UTS2: variants seen among roughly 807,000 people sequenced by gnomAD.
UTS2 encodes the protein urotensin-2.
Under a neutral mutation model 12.6 loss-of-function variants are expected in UTS2, and 10 were observed. That is an observed-to-expected ratio of 0.80 (90% CI 0.49 to 1.35). The LOEUF (loss-of-function observed/expected upper bound fraction) is 1.35. UTS2 is among the 40% of genes most tolerant of loss of function. The pLI, the probability that UTS2 is intolerant of heterozygous loss-of-function variation, is 0.00. For missense variants in UTS2, 142 were observed against 143.2 expected (o/e 0.99, Z 0.04); for synonymous variants, 52 against 50.0 (o/e 1.04, Z -0.17).
chr1:7,868,606 A>G, the UTS2 span, among the ~76,000 whole-genome samples: 1 of 152,226 alleles, frequency 6.6e-6, no homozygotes, highest in African/African-American at 2.4e-5. Context: ...CGGAAGGCCC[A>G]TGTCCCTGTC....
At chr1:7,911,900 C>CAA in the UTS2 span, among the ~76,000 whole-genome samples, 2,290 of 133,632 alleles carry the variant, frequency 0.017, 92 homozygotes, top group African/African-American at 0.061. Context: ...GACTCTGTCT[C>CAA]AAAAAAAAAA....
chr1:7,878,172 T>C, the UTS2 span, among the ~76,000 whole-genome samples: 2 of 152,210 alleles, frequency 1.3e-5, no homozygotes, highest in Non-Finnish European at 2.9e-5. Context: ...CAGGATACTA[T>C]ACCCAGGAAA....
intron 3 of UTS2, among the ~76,000 whole-genome samples, chr1:7,849,347 T>C (rs909302458): frequency 6.6e-6 from 1 of 152,044 alleles, no homozygotes; most frequent in African/African-American, 2.4e-5. Context: ...CCCGAGTAGC[T>C]GGGATTACAG....
the UTS2 span, among the ~76,000 whole-genome samples, chr1:7,870,221 GC>G: frequency 6.6e-6 from 1 of 152,270 alleles, no homozygotes; most frequent in Non-Finnish European, 1.5e-5. Context: ...ATTAAAGTAG[GC>G]CCTGGTCCAT....
chr1:7,855,682 CATTATTATTATT>C (rs35860049), upstream of UTS2, among the ~76,000 whole-genome samples: 1 of 147,528 alleles, frequency 6.8e-6, no homozygotes, highest in African/African-American at 2.5e-5. Context: ...CACATCTGGC[CATTATTATTATT>C]ATTATTATTA....
Position 7,853,045 on chromosome 1 carries a change from T to C in UTS2, c.-42A>G, listed in dbSNP as rs1406673389. 6 of 1,592,048 alleles carry C rather than the reference T, an allele frequency of 3.8e-6. No homozygotes were observed. Among genetic ancestry groups the C allele is most frequent in the Non-Finnish European group, 5.1e-6 (6 of 1,172,724 alleles). On this transcript the variant is annotated 5_prime_UTR_variant, in exon 1 of 4. Transcript: ENST00000361696. Reference sequence around the variant, plus strand: ...ACGGCTTCCTTCTTGGCTTCTGTTGTAGAGAACTTTCAACTGTCTCCTCAT... The same window carrying C: ...ACGGCTTCCTTCTTGGCTTCTGTTGCAGAGAACTTTCAACTGTCTCCTCAT...
the UTS2 span, among the ~76,000 whole-genome samples, chr1:7,880,885 C>T: frequency 1.3e-5 from 2 of 152,224 alleles, no homozygotes; most frequent in African/African-American, 4.8e-5. Context: ...TGAACATAGA[C>T]ACTAAAATCC....
At chr1:7,863,119 TATTGTATTTG>T in the UTS2 span, among the ~76,000 whole-genome samples, 1 of 150,032 alleles carries the variant, frequency 6.7e-6, no homozygotes, top group Non-Finnish European at 1.5e-5. Flanking sequence ...TATTGTATTG[TATTGTATTTG>T]AGACGAAGTT....
chr1:7,847,686 GT>G lies in UTS2; in HGVS notation c.*79del. ...AGTTTGCCTAGTTTTTCTCCACACT[GT>G]TTTCAAATCAAGCATTGTGTTATTT... On this transcript the variant is annotated 3_prime_UTR_variant, in exon 4 of 4. Coordinates refer to ENST00000361696, the MANE Select transcript of UTS2 (RefSeq NM_006786.4). 2 of 1,169,396 alleles carry G rather than the reference GT, an allele frequency of 1.7e-6. No individual in the cohort carries two copies. The highest frequency in any genetic ancestry group is 1.4e-5 in the South Asian group (1 of 73,744). The allele number at this position is 1,169,396 out of a possible 1,614,324, so 72.4% of individuals were successfully genotyped here.
chr1:7,863,103 GTATTGTATTGTATTGTATTGTATTT>G, the UTS2 span, among the ~76,000 whole-genome samples: 1 of 132,982 alleles, frequency 7.5e-6, no homozygotes, highest in Admixed American at 7.6e-5. Flanking sequence ...GTATTGTATT[GTATTGTATTGTATTGTATTGTATTT>G]GAGACGAAGT....
chr1:7,876,860 G>A, the UTS2 span, among the ~76,000 whole-genome samples: 164 of 151,978 alleles, frequency 1.1e-3, 6 homozygotes, highest in Admixed American at 9.1e-3. Flanking sequence ...GGCTGGGCAC[G>A]GTGGCTCACA....
chr1:7,904,334 G>T, the UTS2 span, among the ~76,000 whole-genome samples: 1 of 151,696 alleles, frequency 6.6e-6, no homozygotes, highest in African/African-American at 2.4e-5. Context: ...ATAATAAGCT[G>T]GGCATGGTGG....
the UTS2 span, among the ~76,000 whole-genome samples, chr1:7,906,514 G>GAAA: frequency 1.7e-4 from 12 of 71,534 alleles, no homozygotes; most frequent in Non-Finnish European, 4.0e-4. Flanking sequence ...AAAGAAAAGA[G>GAAA]GGAGGGAGGG....
chr1:7,848,100 C>G (rs916814190), intron 3 of UTS2, among the ~76,000 whole-genome samples: 1 of 152,154 alleles, frequency 6.6e-6, no homozygotes, highest in Non-Finnish European at 1.5e-5. Flanking sequence ...CCAGTCTGTT[C>G]AGCCCAGCGA....
At chr1:7,893,035 T>C in the UTS2 span, among the ~76,000 whole-genome samples, 4 of 152,334 alleles carry the variant, frequency 2.6e-5, no homozygotes, top group African/African-American at 9.6e-5. Flanking sequence ...TATGCTTTCT[T>C]TATCTTCATG....
At chr1:7,876,908 G>A in the UTS2 span, among the ~76,000 whole-genome samples, 1 of 152,036 alleles carries the variant, frequency 6.6e-6, no homozygotes, top group East Asian at 1.9e-4. Flanking sequence ...GAGGCAGGTG[G>A]ATTGCGAGGT....
At chr1:7,902,101 C>G in the UTS2 span, among the ~76,000 whole-genome samples, 2 of 152,054 alleles carry the variant, frequency 1.3e-5, no homozygotes, top group Non-Finnish European at 1.5e-5. Flanking sequence ...CTCTGTGGCT[C>G]TGGGTAGGGA....
chr1:7,861,260 C>T, the UTS2 span, among the ~76,000 whole-genome samples: 1 of 152,176 alleles, frequency 6.6e-6, no homozygotes, highest in East Asian at 1.9e-4. Context: ...AGGGGATCGT[C>T]AGTGATTTGG....
the UTS2 span, among the ~76,000 whole-genome samples, chr1:7,870,468 C>T: frequency 1.3e-5 from 2 of 152,212 alleles, no homozygotes; most frequent in African/African-American, 4.8e-5. Context: ...GTTATGGTAG[C>T]CCCAGCAAAC....
Sources: allele counts gnomAD v4.1 joint callset (sites outside exome capture counted in the v4.1 genomes callset), GRCh38; gene constraint gnomAD v4.1.1; transcripts MANE v1.5; gene names NCBI Gene and HGNC (gene_info 2026-07-23, HGNC 2026-07-21).